Variants in RASSF3 observed in about 807,000 individuals in gnomAD.
The protein encoded by RASSF3 is Ras association domain family member 3, also known as ras association domain-containing protein 3.
Under a neutral mutation model 19.9 loss-of-function variants are expected in RASSF3, and 19 were observed. That is an observed-to-expected ratio of 0.96 (90% CI 0.67 to 1.40). The LOEUF (loss-of-function observed/expected upper bound fraction) is 1.40. Ranked by LOEUF, RASSF3 falls within the 40% of genes most tolerant of loss-of-function variation. RASSF3 has a pLI of 0.00. For missense variants in RASSF3, 306 were observed against 289.8 expected (o/e 1.06, Z -0.41); for synonymous variants, 110 against 104.2 (o/e 1.06, Z -0.34).
intron 1 of RASSF3, among the ~76,000 whole-genome samples, chr12:64,614,240 T>A (rs1243398463): frequency 6.6e-6 from 1 of 151,688 alleles, no homozygotes; most frequent in Non-Finnish European, 1.5e-5. Context: ...TGCAAACGAT[T>A]CTCCTGCCTC....
intron 2 of RASSF3, among the ~76,000 whole-genome samples, chr12:64,560,268 C>T (rs932624511): frequency 1.3e-5 from 2 of 152,198 alleles, no homozygotes; most frequent in African/African-American, 4.8e-5. Flanking sequence ...CTCTAGAGCT[C>T]TAGGACTATC....
downstream of RASSF3, among the ~76,000 whole-genome samples, chr12:64,544,077 G>C (rs1050586592): frequency 2.0e-5 from 3 of 152,134 alleles, no homozygotes; most frequent in Non-Finnish European, 2.9e-5. Context: ...TTGGCACCTC[G>C]GTGGGGGTCC....
chr12:64,667,616 C>T (rs753084062), intron 1 of RASSF3, among the ~76,000 whole-genome samples: 2 of 152,222 alleles, frequency 1.3e-5, no homozygotes, highest in Non-Finnish European at 2.9e-5. Flanking sequence ...AAATTTCATC[C>T]TCTTTCCCTG....
chr12:64,672,038 T>C (rs1226110608), intron 1 of RASSF3, among the ~76,000 whole-genome samples: 1 of 152,170 alleles, frequency 6.6e-6, no homozygotes, highest in Non-Finnish European at 1.5e-5. Flanking sequence ...CTTTTACATT[T>C]GTCTATTTTT....
intron 1 of RASSF3, among the ~76,000 whole-genome samples, chr12:64,666,482 T>G (rs1872541885): frequency 6.6e-6 from 1 of 152,178 alleles, no homozygotes. Flanking sequence ...ATTAGCAGAT[T>G]TGAGCAGATT....
chr12:64,611,802 T>C (rs1870375324), intron 1 of RASSF3, among the ~76,000 whole-genome samples: 1 of 152,232 alleles, frequency 6.6e-6, no homozygotes, highest in Non-Finnish European at 1.5e-5. Context: ...GTGCAATCTG[T>C]CAGGGTGGTC....
intron 2 of RASSF3, among the ~76,000 whole-genome samples, chr12:64,554,017 G>A (rs1460971908): frequency 6.6e-6 from 1 of 151,700 alleles, no homozygotes; most frequent in Non-Finnish European, 1.5e-5. Context: ...AAGTTGTCTG[G>A]GGCATGGTTA....
At chr12:64,610,103 G>T (rs1425673393), upstream of RASSF3, among the ~76,000 whole-genome samples, 1 of 152,170 alleles carries the variant, frequency 6.6e-6, no homozygotes, top group Non-Finnish European at 1.5e-5. Context: ...GCGGGGGCGA[G>T]CAGGGAGTGG....
chr12:64,514,591 C>T (rs2136099459), intron 1 of RASSF3, among the ~76,000 whole-genome samples: 1 of 152,264 alleles, frequency 6.6e-6, no homozygotes, highest in East Asian at 1.9e-4. Flanking sequence ...GACCCAGGCT[C>T]CTATTTCCTT....
At chr12:64,515,337 G>T (rs1449804992) in intron 1 of RASSF3, among the ~76,000 whole-genome samples, 1 of 152,190 alleles carries the variant, frequency 6.6e-6, no homozygotes, top group Non-Finnish European at 1.5e-5. Context: ...TTACAGGCAT[G>T]AGCCACCACG....
chr12:64,638,535 G>A (rs1460561188), intron 1 of RASSF3, among the ~76,000 whole-genome samples: 1 of 150,238 alleles, frequency 6.7e-6, no homozygotes, highest in Non-Finnish European at 1.5e-5. Flanking sequence ...AGCCGAGATC[G>A]CGCCACTGCA....
chr12:64,655,427 C>T (rs576133988), intron 1 of RASSF3, among the ~76,000 whole-genome samples: 3 of 152,176 alleles, frequency 2.0e-5, no homozygotes, highest in Non-Finnish European at 2.9e-5. Flanking sequence ...GCCCTGATGT[C>T]CTAAAGGAGA....
At chr12:64,667,098 G>A (rs919084292) in intron 1 of RASSF3, among the ~76,000 whole-genome samples, 1 of 151,974 alleles carries the variant, frequency 6.6e-6, no homozygotes, top group Non-Finnish European at 1.5e-5. Flanking sequence ...TGCAAGAAAT[G>A]GGGGGGTGTG....
chr12:64,596,646 C>A (rs1870002888), intron 2 of RASSF3, among the ~76,000 whole-genome samples: 1 of 152,174 alleles, frequency 6.6e-6, no homozygotes, highest in Admixed American at 6.5e-5. Flanking sequence ...TCACCCCATG[C>A]CCCAACACTC....
At chr12:64,679,514 T>G (rs1305196152) in intron 1 of RASSF3, among the ~76,000 whole-genome samples, 1 of 152,206 alleles carries the variant, frequency 6.6e-6, no homozygotes, top group Non-Finnish European at 1.5e-5. Flanking sequence ...GACATATTCT[T>G]AGAAAGTCTG....
At chr12:64,539,854 C>G (rs1868905590) in intron 1 of RASSF3, among the ~76,000 whole-genome samples, 1 of 152,106 alleles carries the variant, frequency 6.6e-6, no homozygotes, top group Admixed American at 6.6e-5. Context: ...TTCCATCATA[C>G]AGATAGACCA....
chr12:64,513,447 T>A (rs1396063764), intron 1 of RASSF3, among the ~76,000 whole-genome samples: 1 of 111,476 alleles, frequency 9.0e-6, no homozygotes. Flanking sequence ...CAGAACTCCA[T>A]CTCAGAAAAA....
chr12:64,542,466 C>A (rs990619997), downstream of RASSF3, among the ~76,000 whole-genome samples: 1 of 152,236 alleles, frequency 6.6e-6, no homozygotes, highest in South Asian at 2.1e-4. Context: ...CACATCCATT[C>A]TCACTCTATT....
intron 2 of RASSF3, among the ~76,000 whole-genome samples, chr12:64,686,336 T>G (rs1873350138): frequency 6.6e-6 from 1 of 151,028 alleles, no homozygotes; most frequent in Admixed American, 6.6e-5. Context: ...AAGTCAAGAG[T>G]TCGACGGTGG....
Sources: allele counts gnomAD v4.1 joint callset (sites outside exome capture counted in the v4.1 genomes callset), GRCh38; gene constraint gnomAD v4.1.1; transcripts MANE v1.5; gene names NCBI Gene and HGNC (gene_info 2026-07-23, HGNC 2026-07-21).